NOL8: variants seen among roughly 807,000 people sequenced by gnomAD.
The protein encoded by NOL8 is nucleolar protein Nop132.
NOL8 carries 93 observed loss-of-function variants against 116.1 expected under a neutral mutation model. The observed-to-expected ratio is 0.80, with a 90% CI of 0.68 to 0.95. The LOEUF (loss-of-function observed/expected upper bound fraction) is 0.95. Ranked by LOEUF, NOL8 falls within the 40% of genes least tolerant of loss-of-function variation. The pLI is 0.00. For synonymous variants in NOL8, 419 were observed against 469.0 expected, an observed-to-expected ratio of 0.89 and a Z score of 1.38; for missense variants, 1,291 against 1,382.8, an observed-to-expected ratio of 0.93 and a Z score of 1.05.
Position 92,315,660 on chromosome 9 carries a change from G to A in NOL8, c.965C>T (p.Thr322Ile), listed in dbSNP as rs111732865. Residue 322 changes from threonine (T) to isoleucine (I), a missense_variant, in exon 7 of 17, where the codon ACA (threonine) becomes ATA (isoleucine). Thr to Ile is a moderately conservative substitution (Grantham distance 89). Coordinates refer to ENST00000442668, the MANE Select transcript of NOL8 (RefSeq NM_017948.6). ...IAKEENLQRT[T>I]QPSINESESD... ...TTCAGATTCATTTATTGAGGGTTGTGTAGTTCTCTGTAAGTTTTCCTCTTT... is the reference window on the plus strand; with the variant it reads ...TTCAGATTCATTTATTGAGGGTTGTATAGTTCTCTGTAAGTTTTCCTCTTT... 134 of 1,612,646 alleles carry A rather than the reference G, an allele frequency of 8.3e-5. 5 individuals are homozygous for A. The African/African-American group carries it at 1.0e-3, about 13-fold the overall frequency.
intron 15 of NOL8, 173 bp from the exon 16 acceptor site, chr9:92,298,509 T>C: frequency 1.8e-6 from 1 of 565,204 alleles, no homozygotes. Context: ...AAATATAATA[T>C]TGCTTTTACT....
intron 13 of NOL8, chr9:92,300,954 C>A: frequency 2.5e-6 from 2 of 802,536 alleles, no homozygotes; most frequent in Non-Finnish European, 3.0e-6. Context: ...GTGGGAACTT[C>A]CAGAAAGCTG....
At chr9:92,322,106 CAT>C (rs1430551505) in intron 3 of NOL8, among the ~76,000 whole-genome samples, 1 of 152,154 alleles carries the variant, frequency 6.6e-6, no homozygotes, top group African/African-American at 2.4e-5. Context: ...AACTATAAAA[CAT>C]ATATTTCCTG....
chr9:92,305,698 C>A (rs887132002), intron 12 of NOL8, 55 bp downstream of exon 12: 1 of 1,262,410 alleles, frequency 7.9e-7, no homozygotes, highest in African/African-American at 1.5e-5. Flanking sequence ...TTTTAATTGT[C>A]TGAAATGAGA....
intron 8 of NOL8, 195 bp downstream of exon 8, chr9:92,310,951 C>A: frequency 1.7e-6 from 1 of 580,196 alleles, no homozygotes; most frequent in Non-Finnish European, 3.0e-6. Flanking sequence ...TGATGTCATG[C>A]TGCAGATGTT....
rs1010984538 is a variant in NOL8 at position 92,314,361 on chromosome 9, G to A, written c.2264C>T (p.Ala755Val). ...SSDVSAKDKH[A>V]EDNEKRLAAL... ...TGCCAAACGCTTCTCATTGTCTTCA[G>A]CATGCTTATCTTTAGCACTCACATC... The change falls in exon 7 of 17, where the codon GCT becomes GTT. Residue 755 changes from alanine to valine, a missense_variant. Physicochemically the swap from Ala to Val is moderately conservative, Grantham distance 64 (BLOSUM62 0). Coordinates refer to ENST00000442668, the MANE Select transcript of NOL8 (RefSeq NM_017948.6). The A allele has an allele frequency of 8.1e-6, 13 of 1,613,006 alleles. No homozygotes were observed. The highest frequency in any genetic ancestry group is 1.0e-5 in the Non-Finnish European group (12 of 1,179,234).
At chr9:92,319,732 A>T (rs1221069170) in intron 4 of NOL8, among the ~76,000 whole-genome samples, 1 of 152,226 alleles carries the variant, frequency 6.6e-6, no homozygotes, top group African/African-American at 2.4e-5. Flanking sequence ...TTCTTTGAAA[A>T]CATCACTATG....
At chr9:92,301,952 C>T (rs904932164) in intron 12 of NOL8, 130 bp from the exon 13 acceptor site, 2 of 690,438 alleles carry the variant, frequency 2.9e-6, no homozygotes, top group South Asian at 2.3e-5. Context: ...TAAAACTCTA[C>T]TTATAAATAG....
chr9:92,324,055 T>C lies in NOL8; in HGVS notation c.107A>G (p.Asp36Gly), dbSNP rs1200169800. ...NQFSRFGEVS[D>G]VEIITRKDDQ... ...ATCTTTCCGTGTGATGATCTCCACA[T>C]CCGAAACTTCTCCAAATCTGCTGAA... Residue 36 changes from aspartate (D) to glycine (G), a missense_variant, in exon 2 of 17, where the codon GAT becomes GGT. Physicochemically the swap from Asp to Gly is moderately conservative, Grantham distance 94 (BLOSUM62 -1). Transcript: ENST00000442668. The C allele has an allele frequency of 4.3e-6, 7 of 1,613,994 alleles. No homozygotes were observed. The highest frequency in any genetic ancestry group is 5.9e-6 in the Non-Finnish European group (7 of 1,179,850).
At chr9:92,301,075 C>G (rs962857398) in intron 13 of NOL8, among the ~76,000 whole-genome samples, 2 of 152,190 alleles carry the variant, frequency 1.3e-5, no homozygotes, top group African/African-American at 4.8e-5. Flanking sequence ...AGTGTTTATA[C>G]TTCTCTCTAG....
chr9:92,323,162 G>T, intron 3 of NOL8: 1 of 550,940 alleles, frequency 1.8e-6, no homozygotes, highest in Non-Finnish European at 3.0e-6. Flanking sequence ...TGGGATATAT[G>T]TAACAGGCAG....
intron 5 of NOL8, 88 bp downstream of exon 5, chr9:92,319,133 G>C (rs1042175710): frequency 1.5e-6 from 2 of 1,376,644 alleles, no homozygotes; most frequent in African/African-American, 3.0e-5. Context: ...AAGAGTAACT[G>C]GTTTTAGACA....
chr9:92,311,229 T>C lies in NOL8; in HGVS notation c.2389A>G (p.Ile797Val), dbSNP rs774176859. The C allele has an allele frequency of 1.2e-6, 2 of 1,613,898 alleles. No homozygotes were observed. Among genetic ancestry groups the C allele is most frequent in the Non-Finnish European group, 1.7e-6 (2 of 1,179,830 alleles). Reference protein sequence around the residue: ...DGHPEDKPTHIIFGSDSECET... With the variant: ...DGHPEDKPTHVIFGSDSECET... ...CATTCACTGTCAGAACCGAAGATGA[T>C]GTGCGTTGGCTTATCCTCTGGATGA... The change falls in exon 8 of 17, where the codon ATC becomes GTC. Residue 797 changes from isoleucine (I) to valine (V), a missense_variant. By Grantham distance (29) the Ile-to-Val change is conservative. Coordinates refer to ENST00000442668, the MANE Select transcript of NOL8 (RefSeq NM_017948.6).
At chr9:92,303,049 C>T (rs770185881) in intron 12 of NOL8, among the ~76,000 whole-genome samples, 3 of 151,966 alleles carry the variant, frequency 2.0e-5, no homozygotes, top group East Asian at 1.9e-4. Context: ...AGATGTCCAG[C>T]GAAGTGTTAA....
intron 12 of NOL8, 124 bp from the exon 13 acceptor site, chr9:92,301,946 ACT>A (rs1391538829): frequency 2.7e-6 from 2 of 727,814 alleles, no homozygotes; most frequent in Non-Finnish European, 4.2e-6. Flanking sequence ...AGAATATAAA[ACT>A]CTACTTATAA....
rs746207941 is a variant in NOL8 at position 92,315,513 on chromosome 9, CTCA to C, written c.1109_1111del (p.Met370del). ...TCCTGAGTCATACTCACGATCATTT[CTCA>C]TAATATCATCATCACTATCATGGCA... On this transcript the variant is annotated inframe_deletion, in exon 7 of 17. Transcript: ENST00000442668. 1.4e-5 allele frequency: 23 copies of C among 1,610,694 alleles called. No individual in the cohort carries two copies. Among genetic ancestry groups the C allele is most frequent in the South Asian group, 3.3e-5 (3 of 90,676 alleles).
chr9:92,307,398 A>G (rs1408446661), intron 10 of NOL8, among the ~76,000 whole-genome samples: 1 of 152,240 alleles, frequency 6.6e-6, no homozygotes, highest in African/African-American at 2.4e-5. Context: ...TAAATTACGT[A>G]AATCTAAAAA....
Position 92,315,198 on chromosome 9 carries a change from G to A in NOL8, c.1427C>T (p.Ala476Val), listed in dbSNP as rs1839259346. 1.2e-6 allele frequency: 2 copies of A among 1,613,926 alleles called. No individual in the cohort carries two copies. Among genetic ancestry groups the A allele is most frequent in the South Asian group, 2.2e-5 (2 of 91,078 alleles). ...CACACGAAGGCAGTTTTTCATCATG[G>A]CATTATACTCCTCACCTCCTTCAGA... ...ADSEGGEEYNAMMKNCLRVNL... is the reference protein window; with the variant it reads ...ADSEGGEEYNVMMKNCLRVNL... The change falls in exon 7 of 17, where the codon GCC (alanine) becomes GTC (valine). Residue 476 changes from alanine (A) to valine (V), a missense_variant. Transcript: ENST00000442668.
rs1003651183 is a variant in NOL8, at chr9:92,300,640, C to T, written c.3176-624G>A. 5.0e-6 allele frequency: 5 copies of T among 1,009,506 alleles called. No individual in the cohort carries two copies. In the Admixed American group the frequency reaches 2.2e-4, roughly 44 times the overall value. 62.5% of individuals were successfully genotyped at this position (1,009,506 alleles called of 1,614,324 possible). On this transcript the variant is annotated intron_variant, in intron 13 of 16. Coordinates refer to ENST00000442668, the MANE Select transcript of NOL8 (RefSeq NM_017948.6). ...ACTATCGTTACTATTTACATCATGC[C>T]AACTCTACTCAACAGTTTATATAGA...
Sources: gnomAD v4.1 joint callset for allele counts (sites outside exome capture counted in the v4.1 genomes callset) on GRCh38, gnomAD v4.1.1 for gene constraint, MANE v1.5 for transcripts, NCBI Gene and HGNC (gene_info 2026-07-23, HGNC 2026-07-21) for gene names.